The following GRK5 variants were observed in gnomAD, a reference collection of about 807,000 sequenced individuals.
GRK5 encodes g protein-coupled receptor kinase GRK5.
Under a neutral mutation model 78.4 loss-of-function variants are expected in GRK5, and 40 were observed. That is an observed-to-expected ratio of 0.51 (90% CI 0.40 to 0.66). GRK5 has a LOEUF of 0.66. Among genes scored for constraint, GRK5 ranks in the 30% least tolerant of loss-of-function variants. The probability of loss-of-function intolerance (pLI) is 0.00; values close to 1 mark genes in which losing one functional copy is unlikely to be tolerated. For missense variants in GRK5, 598 were observed against 759.9 expected (o/e 0.79, Z 2.50); for synonymous variants, 289 against 296.8 (o/e 0.97, Z 0.27).
intron 2 of GRK5, among the ~76,000 whole-genome samples, chr10:119,343,397 C>T (rs754202328): frequency 6.6e-5 from 10 of 152,236 alleles, no homozygotes; most frequent in Non-Finnish European, 1.5e-4. Flanking sequence ...CTCGTCCAAT[C>T]ACTACAAAGC....
At chr10:119,360,544 CTG>C (rs1431013198) in intron 2 of GRK5, among the ~76,000 whole-genome samples, 1 of 151,070 alleles carries the variant, frequency 6.6e-6, no homozygotes, top group African/African-American at 2.4e-5. Flanking sequence ...TGGGAAGAGC[CTG>C]TGTGAGTGGA....
At position 119,442,044 on chromosome 10, in the gene GRK5, A is replaced by T; in HGVS notation, c.1013A>T (p.Glu338Val). Residue 338 changes from glutamate to valine, a missense_variant, in exon 11 of 16, where the codon GAG becomes GTG. Transcript: ENST00000392870. ...CTGGGCTTGGCTGTGAAGATCCCCG[A>T]GGGAGACCTGATCCGCGGCCGGGTG... ...SDLGLAVKIPEGDLIRGRVGT... is the reference protein window; with the variant it reads ...SDLGLAVKIPVGDLIRGRVGT... 1 of 1,613,960 alleles carries T rather than the reference A, an allele frequency of 6.2e-7. No homozygotes were observed. The highest frequency in any genetic ancestry group is 2.2e-5 in the East Asian group (1 of 44,880).
chr10:119,273,114 G>A (rs934981019), intron 1 of GRK5, among the ~76,000 whole-genome samples: 5 of 152,308 alleles, frequency 3.3e-5, no homozygotes, highest in South Asian at 2.1e-4. Flanking sequence ...AAACCAGACC[G>A]GCGATGGCTT....
intron 3 of GRK5, among the ~76,000 whole-genome samples, chr10:119,395,663 G>A (rs1242232408): frequency 6.6e-6 from 1 of 152,198 alleles, no homozygotes; most frequent in Non-Finnish European, 1.5e-5. Flanking sequence ...TGTGGCGAGT[G>A]CGTCAGATGT....
intron 2 of GRK5, among the ~76,000 whole-genome samples, chr10:119,344,093 G>A (rs1396971349): frequency 2.0e-5 from 3 of 151,330 alleles, no homozygotes; most frequent in Non-Finnish European, 4.4e-5. Context: ...TTTTTTTGGC[G>A]GGGGGTAACA....
chr10:119,377,269 T>G (rs780953572), intron 2 of GRK5, among the ~76,000 whole-genome samples: 5 of 152,208 alleles, frequency 3.3e-5, no homozygotes, highest in Non-Finnish European at 7.3e-5. Context: ...TGCTTCCAAC[T>G]TCAATGTCAT....
chr10:119,313,101 GTAA>G (rs1164342413), intron 1 of GRK5, among the ~76,000 whole-genome samples: 20 of 125,476 alleles, frequency 1.6e-4, no homozygotes, highest in African/African-American at 5.2e-4. Flanking sequence ...GGTGGTGATG[GTAA>G]TGATGGTAGT....
rs1851225091 is a variant in GRK5 at position 119,354,034 on chromosome 10, A to G, written c.149-26781A>G. The stretch of plus-strand genomic sequence containing the variant: ...TATGTTGATTTTGGGGATGTTTGAT[A>G]TATATGACATATATAGATTATATTT... On this transcript the variant is annotated intron_variant, in intron 2 of 15. Coordinates refer to ENST00000392870, the MANE Select transcript of GRK5 (RefSeq NM_005308.3). 2.1e-5 allele frequency among the ~76,000 whole-genome samples: 3 copies of G among 142,464 alleles called. No individual in the cohort carries two copies. The Admixed American group carries it at 2.3e-4, about 11-fold the overall frequency. The allele number at this position is 142,464 out of a possible 152,430, so 93.5% of individuals were successfully genotyped here.
At chr10:119,441,917 A>T in intron 10 of GRK5, 82 bp from the exon 11 acceptor site, 1 of 1,064,260 alleles carries the variant, frequency 9.4e-7, no homozygotes, top group East Asian at 2.4e-5. Context: ...GAGAGCTCGT[A>T]TGCCTTGCCC....
chr10:119,399,847 C>G (rs1358232796), intron 4 of GRK5, among the ~76,000 whole-genome samples: 1 of 152,210 alleles, frequency 6.6e-6, no homozygotes, highest in Non-Finnish European at 1.5e-5. Flanking sequence ...TTCCTGGGAC[C>G]TCTCCTGTGG....
At chr10:119,359,519 C>T (rs1259173917) in intron 2 of GRK5, among the ~76,000 whole-genome samples, 4 of 152,184 alleles carry the variant, frequency 2.6e-5, no homozygotes, top group African/African-American at 7.2e-5. Context: ...GGCCAGAAAT[C>T]GAGCTGAGCA....
chr10:119,272,111 A>G (rs1200272453), intron 1 of GRK5, among the ~76,000 whole-genome samples: 2 of 152,158 alleles, frequency 1.3e-5, no homozygotes, highest in Admixed American at 6.5e-5. Context: ...ATGGTTCCAA[A>G]TGTTCTGAAC....
chr10:119,429,038 C>T (rs191294603), intron 6 of GRK5, among the ~76,000 whole-genome samples: 27 of 152,326 alleles, frequency 1.8e-4, no homozygotes, highest in Admixed American at 1.1e-3. Flanking sequence ...CCCAGGGCCA[C>T]GTGGTCGAGG....
intron 1 of GRK5, among the ~76,000 whole-genome samples, chr10:119,219,222 C>T (rs1200565438): frequency 6.6e-6 from 1 of 151,948 alleles, no homozygotes; most frequent in Non-Finnish European, 1.5e-5. Flanking sequence ...CAACATGATG[C>T]ATACAAAATG....
At chr10:119,312,464 G>A (rs571700906) in intron 1 of GRK5, among the ~76,000 whole-genome samples, 3 of 152,208 alleles carry the variant, frequency 2.0e-5, no homozygotes, top group Admixed American at 6.5e-5. Context: ...GCCCAATCCG[G>A]CCACTGCCTG....
chr10:119,411,936 C>T (rs549788056), intron 4 of GRK5, among the ~76,000 whole-genome samples: 1 of 148,664 alleles, frequency 6.7e-6, no homozygotes, highest in African/African-American at 2.5e-5. Flanking sequence ...CAGCAACCTC[C>T]ACCTCCTGGA....
At chr10:119,433,457 T>C (rs1376260537) in intron 8 of GRK5, among the ~76,000 whole-genome samples, 1 of 151,970 alleles carries the variant, frequency 6.6e-6, no homozygotes. Context: ...CTTCTTTAAC[T>C]GTGCCCCATC....
At position 119,266,203 on chromosome 10, in the gene GRK5, C is replaced by T. The variant is rs966017033; in HGVS notation, c.52+58234C>T. On this transcript the variant is annotated intron_variant, in intron 1 of 15. Coordinates refer to ENST00000392870, the MANE Select transcript of GRK5 (RefSeq NM_005308.3). ...GGGCGCGAAGGCTCACACCTGTAAT[C>T]GCAGCACTTTGGGAGGCCGAGGTGG... Among the ~76,000 whole-genome samples the T allele has an allele frequency of 5.9e-5, 9 of 152,286 alleles. No individual in the cohort carries two copies. The East Asian group carries it at 1.2e-3, about 20-fold the overall frequency.
At chr10:119,432,515 G>A (rs770997456) in intron 8 of GRK5, among the ~76,000 whole-genome samples, 3 of 152,148 alleles carry the variant, frequency 2.0e-5, no homozygotes, top group Non-Finnish European at 2.9e-5. Flanking sequence ...CAGCACAGAA[G>A]GATACACAAT....
Sources: allele counts gnomAD v4.1 joint callset (sites outside exome capture counted in the v4.1 genomes callset), GRCh38; gene constraint gnomAD v4.1.1; transcripts MANE v1.5; gene names NCBI Gene and HGNC (gene_info 2026-07-23, HGNC 2026-07-21).